EYS: variants seen among roughly 807,000 people sequenced by gnomAD.
EYS encodes the protein protein eyes shut homolog.
EYS carries 250 observed loss-of-function variants against 282.1 expected under a neutral mutation model. The observed-to-expected ratio is 0.89, with a 90% CI of 0.80 to 0.98. EYS has a LOEUF of 0.98. Ranked by LOEUF, EYS falls within the 50% of genes least tolerant of loss-of-function variation. The pLI is 0.00. For synonymous variants in EYS, 1,355 were observed against 1,282.9 expected (o/e 1.06, Z -1.20); for missense variants, 4,016 against 3,709.0 (o/e 1.08, Z -2.15).
chr6:64,245,887 C>T (rs1297488089), intron 30 of EYS, among the ~76,000 whole-genome samples: 3 of 151,670 alleles, frequency 2.0e-5, no homozygotes, highest in East Asian at 1.9e-4. Context: ...GGCATGGTGG[C>T]GCACGCCTGT....
Position 64,626,135 on chromosome 6 carries a change from C to A in EYS, c.3554G>T (p.Cys1185Phe). The change falls in exon 23 of 43, where the codon TGC becomes TTC. Residue 1185 changes from cysteine (C) to phenylalanine (F), a missense_variant. Physicochemically the swap from Cys to Phe is radical, Grantham distance 205. Coordinates refer to ENST00000503581, the MANE Select transcript of EYS (RefSeq NM_001142800.2). The part of the protein sequence containing the change: ...DCEDHINGYV[C>F]KCQPGWSGHH... The stretch of plus-strand genomic sequence containing the variant: ...AAAATAATTACCTGGTTGGCATTTG[C>A]AAACATATCCATTGATGTGATCTTC... 1 of 1,540,786 alleles carries A rather than the reference C, an allele frequency of 6.5e-7. No homozygotes were observed. The highest frequency in any genetic ancestry group is 8.8e-7 in the Non-Finnish European group (1 of 1,141,978).
chr6:65,691,879 A>C (rs997958421), intron 1 of EYS, among the ~76,000 whole-genome samples: 2 of 150,224 alleles, frequency 1.3e-5, no homozygotes, highest in African/African-American at 2.4e-5. Context: ...TTTGCCTAAG[A>C]TCAGATGGTT....
chr6:65,027,790 G>T (rs1772465832), intron 13 of EYS, among the ~76,000 whole-genome samples: 1 of 152,088 alleles, frequency 6.6e-6, no homozygotes, highest in South Asian at 2.1e-4. Context: ...GAAGTTATCT[G>T]TTCATCTGTT....
intron 8 of EYS, among the ~76,000 whole-genome samples, chr6:65,370,289 C>G (rs1295933311): frequency 8.4e-6 from 1 of 119,400 alleles, no homozygotes; most frequent in Non-Finnish European, 1.6e-5. Flanking sequence ...GGATCTTACT[C>G]TATTACCCCA....
At chr6:64,730,188 G>A (rs1276682230) in intron 22 of EYS, among the ~76,000 whole-genome samples, 1 of 152,096 alleles carries the variant, frequency 6.6e-6, no homozygotes, top group Non-Finnish European at 1.5e-5. Flanking sequence ...TGCAAGGGAG[G>A]GACTTATTAA....
intron 14 of EYS, among the ~76,000 whole-genome samples, chr6:64,966,696 C>T (rs1770106072): frequency 6.6e-6 from 1 of 152,206 alleles, no homozygotes; most frequent in Non-Finnish European, 1.5e-5. Flanking sequence ...TCAATCCTCA[C>T]ATAGCCTTTT....
intron 12 of EYS, among the ~76,000 whole-genome samples, chr6:65,212,653 T>G (rs996667825): frequency 6.6e-6 from 1 of 152,132 alleles, no homozygotes; most frequent in Non-Finnish European, 1.5e-5. Context: ...ATAGAACACA[T>G]TGATTACTAC....
chr6:64,949,515 G>T (rs1217871827), intron 14 of EYS, among the ~76,000 whole-genome samples: 1 of 151,856 alleles, frequency 6.6e-6, no homozygotes, highest in East Asian at 1.9e-4. Flanking sequence ...GAGAATCTCT[G>T]CTGTTACCTC....
At chr6:63,932,480 A>T (rs910067299) in intron 35 of EYS, among the ~76,000 whole-genome samples, 15 of 152,096 alleles carry the variant, frequency 9.9e-5, no homozygotes, top group Non-Finnish European at 2.2e-4. Context: ...CTGGTTCAAC[A>T]CTCAATAACT....
intron 31 of EYS, among the ~76,000 whole-genome samples, chr6:64,193,957 A>T (rs1015465375): frequency 1.3e-5 from 2 of 152,148 alleles, no homozygotes; most frequent in Non-Finnish European, 2.9e-5. Context: ...GCTGCAATAA[A>T]CATACGTGTG....
intron 35 of EYS, among the ~76,000 whole-genome samples, chr6:63,870,995 C>T (rs1293017658): frequency 6.6e-6 from 1 of 152,116 alleles, no homozygotes; most frequent in African/African-American, 2.4e-5. Flanking sequence ...GAGGAAGTGA[C>T]TTCACTTCCT....
intron 22 of EYS, among the ~76,000 whole-genome samples, chr6:64,642,434 T>C (rs1158269559): frequency 6.6e-6 from 1 of 152,222 alleles, no homozygotes; most frequent in Non-Finnish European, 1.5e-5. Flanking sequence ...CATATTTTCC[T>C]ATACTTACAA....
chr6:63,864,091 A>C, intron 36 of EYS, 95 bp downstream of exon 36: 1 of 1,143,818 alleles, frequency 8.7e-7, no homozygotes, highest in South Asian at 2.5e-5. Flanking sequence ...GATGTATTTG[A>C]TCAGTCAAGT....
intron 40 of EYS, among the ~76,000 whole-genome samples, chr6:63,763,870 TTATATATATA>T (rs55668347): frequency 6.5e-4 from 84 of 129,666 alleles, no homozygotes; most frequent in Middle Eastern, 7.8e-3. Flanking sequence ...TTATATCTTG[TTATATATATA>T]TATATATATA....
chr6:64,406,753 G>A (rs555489344), intron 28 of EYS, among the ~76,000 whole-genome samples: 1 of 152,322 alleles, frequency 6.6e-6, no homozygotes, highest in African/African-American at 2.4e-5. Flanking sequence ...TCTGCAATGA[G>A]ATACCATCTC....
chr6:64,387,582 T>A (rs556909622), intron 29 of EYS, among the ~76,000 whole-genome samples: 1 of 152,266 alleles, frequency 6.6e-6, no homozygotes, highest in African/African-American at 2.4e-5. Flanking sequence ...ACTCCAACAA[T>A]GTGACAGGAA....
chr6:64,023,881 C>A (rs959041472), intron 33 of EYS, among the ~76,000 whole-genome samples: 2 of 152,194 alleles, frequency 1.3e-5, no homozygotes. Context: ...AGTGGCCGGC[C>A]GGCCCCGCCA....
At chr6:64,824,014 A>G (rs556818026) in intron 19 of EYS, among the ~76,000 whole-genome samples, 13 of 152,016 alleles carry the variant, frequency 8.6e-5, no homozygotes, top group Admixed American at 6.6e-4. Context: ...GGTACACTCA[A>G]TTTCAGAGGT....
Position 64,303,108 on chromosome 6 carries a change from A to G in EYS, c.6191+3862T>C, listed in dbSNP as rs144676097. Among the ~76,000 whole-genome samples, 676 of 152,270 alleles carry G rather than the reference A, an allele frequency of 4.4e-3. 16 individuals are homozygous for G. Among genetic ancestry groups the G allele is most frequent in the Admixed American group, 0.04 (617 of 15,292 alleles). ...CACTCCAGGTAATGTGTTACTTGCT[A>G]TGCTTTATTAACCTTTTTAAAATTC... is the stretch of plus-strand genomic sequence containing the variant. On this transcript the variant is annotated intron_variant, in intron 30 of 42. Coordinates refer to ENST00000503581, the MANE Select transcript of EYS (RefSeq NM_001142800.2).
Sources: allele counts gnomAD v4.1 joint callset (sites outside exome capture counted in the v4.1 genomes callset), GRCh38; gene constraint gnomAD v4.1.1; transcripts MANE v1.5; gene names NCBI Gene and HGNC (gene_info 2026-07-23, HGNC 2026-07-21).